Variants in SORBS2 observed in about 807,000 individuals in gnomAD.
SORBS2 encodes sorbin and SH3 domain-containing protein 2.
In SORBS2, 46 loss-of-function variants were observed where a neutral mutation model predicts 97.7. That is an observed-to-expected ratio of 0.47 (90% confidence interval 0.37 to 0.60). SORBS2 has a LOEUF of 0.60. SORBS2 is among the 20% of genes least tolerant of loss of function. SORBS2 has a pLI of 0.00. For missense variants in SORBS2, 1,316 were observed against 1,282.3 expected (o/e 1.03, Z -0.40); for synonymous variants, 476 against 473.4 (o/e 1.01, Z -0.07).
rs186669514 is a variant in SORBS2, at chr4:185,722,719, T to C, written c.-197-43897A>G. ...CTGGCTAAGAATGTTGACTCTTTTTTCTTAATTAAAGGCTGAATCACTGAT... is the reference window on the plus strand; with the variant it reads ...CTGGCTAAGAATGTTGACTCTTTTTCCTTAATTAAAGGCTGAATCACTGAT... On this transcript the variant is annotated intron_variant, in intron 2 of 20. Coordinates refer to the SORBS2 transcript ENST00000284776. 7.2e-5 allele frequency among the ~76,000 whole-genome samples: 11 copies of C among 152,340 alleles called. No individual in the cohort carries two copies. In the East Asian group the frequency reaches 2.1e-3, roughly 29 times the overall value.
intron 2 of SORBS2, among the ~76,000 whole-genome samples, chr4:185,750,254 G>C (rs926252997): frequency 6.6e-6 from 1 of 152,224 alleles, no homozygotes; most frequent in Non-Finnish European, 1.5e-5. Flanking sequence ...AGTGTTCACT[G>C]TGTATACCAA....
intron 1 of SORBS2, among the ~76,000 whole-genome samples, chr4:185,813,353 G>A (rs1451677410): frequency 1.3e-5 from 2 of 152,132 alleles, no homozygotes; most frequent in Non-Finnish European, 2.9e-5. Context: ...ATTTGGGGAT[G>A]CCCGCTCCCC....
intron 12 of SORBS2, among the ~76,000 whole-genome samples, chr4:185,595,324 T>C (rs1482607936): frequency 1.3e-5 from 2 of 152,222 alleles, no homozygotes; most frequent in African/African-American, 4.8e-5. Context: ...TGAAATAGTT[T>C]ACTCCTGTAA....
chr4:185,749,490 T>C (rs2098786603), intron 2 of SORBS2, among the ~76,000 whole-genome samples: 1 of 152,222 alleles, frequency 6.6e-6, no homozygotes, highest in African/African-American at 2.4e-5. Context: ...GAAATCCTGA[T>C]GGGATTGAAA....
chr4:185,779,263 G>A (rs1284189986), intron 1 of SORBS2, among the ~76,000 whole-genome samples: 1 of 152,144 alleles, frequency 6.6e-6, no homozygotes, highest in East Asian at 1.9e-4. Context: ...GTGGCTGTAG[G>A]TCACTTACTT....
chr4:185,931,998 C>A lies in SORBS2; in HGVS notation c.-338+24198G>T, dbSNP rs534172167. ...AACCTGTCTCTCTCTCTCTCTCTCTCTCTCTATATATATATATATAGATAG... is the reference window on the plus strand; with the variant it reads ...AACCTGTCTCTCTCTCTCTCTCTCTATCTCTATATATATATATATAGATAG... On this transcript the variant is annotated intron_variant, in intron 1 of 20. Transcript: ENST00000284776. Among the ~76,000 whole-genome samples the A allele has an allele frequency of 8.9e-3, 1,345 of 150,364 alleles. 10 individuals are homozygous for A. Among genetic ancestry groups the A allele is most frequent in the Non-Finnish European group, 0.011 (775 of 67,402 alleles).
chr4:185,632,732 C>T (rs1388774778), intron 4 of SORBS2, among the ~76,000 whole-genome samples: 1 of 152,074 alleles, frequency 6.6e-6, no homozygotes, highest in African/African-American at 2.4e-5. Context: ...TTATAATGAG[C>T]CTAAACAATA....
chr4:185,874,284 C>G (rs535624518), intron 1 of SORBS2, among the ~76,000 whole-genome samples: 23 of 152,074 alleles, frequency 1.5e-4, no homozygotes, highest in African/African-American at 5.3e-4. Flanking sequence ...GCTGTGATCC[C>G]AATATTTCTG....
intron 4 of SORBS2, chr4:185,675,292 G>A (rs1240629814): frequency 6.6e-6 from 1 of 152,450 alleles, no homozygotes; most frequent in African/African-American, 2.4e-5. Flanking sequence ...CTGCTTCCTG[G>A]CGTGCCCATC....
intron 2 of SORBS2, among the ~76,000 whole-genome samples, chr4:185,726,994 T>C (rs1301230492): frequency 5.3e-5 from 8 of 152,146 alleles, no homozygotes; most frequent in Non-Finnish European, 1.5e-5. Context: ...TTACAGAGAA[T>C]CAACTACAGT....
At chr4:185,956,020 T>C (rs1444852426) in intron 1 of SORBS2, among the ~76,000 whole-genome samples, 1 of 152,228 alleles carries the variant, frequency 6.6e-6, no homozygotes, top group East Asian at 1.9e-4. Flanking sequence ...ACGTAAAGTG[T>C]TCCTTTATTC....
intron 1 of SORBS2, among the ~76,000 whole-genome samples, chr4:185,787,089 A>G (rs1453887789): frequency 6.6e-6 from 1 of 151,494 alleles, no homozygotes; most frequent in Non-Finnish European, 1.5e-5. Flanking sequence ...GTGGTTGCAG[A>G]GGAGGGGTTC....
chr4:185,837,126 C>T (rs2099208521), intron 1 of SORBS2, among the ~76,000 whole-genome samples: 1 of 152,132 alleles, frequency 6.6e-6, no homozygotes, highest in Non-Finnish European at 1.5e-5. Context: ...TCTTTATACG[C>T]ACCAGAAACA....
intron 1 of SORBS2, among the ~76,000 whole-genome samples, chr4:185,930,549 C>T (rs1179605841): frequency 3.9e-5 from 6 of 152,196 alleles, no homozygotes; most frequent in South Asian, 4.2e-4. Flanking sequence ...CCGCCTGCCT[C>T]GGCCTCCCAA....
chr4:185,649,420 T>G lies in SORBS2; in HGVS notation c.281+47A>C, dbSNP rs756303843. The G allele has an allele frequency of 2.7e-6, 4 of 1,465,324 alleles. No individual in the cohort carries two copies. The South Asian group carries it at 5.7e-5, about 21-fold the overall frequency. 90.8% of individuals were successfully genotyped at this position (1,465,324 alleles called of 1,614,324 possible). A position where few individuals can be genotyped will look rare whatever the true frequency, so the allele number is the denominator to read the frequency against. ...TCTACTGAATGCCATGTAGACTTATTTTTATCCTAAGCGAAACATAGGCCA... is the reference window on the plus strand; with the variant it reads ...TCTACTGAATGCCATGTAGACTTATGTTTATCCTAAGCGAAACATAGGCCA... On this transcript the variant is annotated intron_variant, in intron 3 of 14. Transcript: ENST00000418609.
At chr4:185,797,648 C>T (rs1402160055) in intron 1 of SORBS2, among the ~76,000 whole-genome samples, 1 of 152,160 alleles carries the variant, frequency 6.6e-6, no homozygotes, top group Non-Finnish European at 1.5e-5. Context: ...ATTATCTCTT[C>T]CCCCTAAGTA....
chr4:185,611,051 G>A (rs529645369), intron 12 of SORBS2, among the ~76,000 whole-genome samples: 16 of 152,038 alleles, frequency 1.1e-4, no homozygotes, highest in Admixed American at 3.9e-4. Context: ...TTTAAATTAC[G>A]TATTGAGAAA....
chr4:185,906,383 T>C (rs566566902), intron 1 of SORBS2, among the ~76,000 whole-genome samples: 13 of 152,324 alleles, frequency 8.5e-5, no homozygotes, highest in African/African-American at 4.8e-5. Flanking sequence ...AGATTTAATA[T>C]GCCACTCTAT....
At chr4:185,836,961 GT>G (rs1175178015) in intron 1 of SORBS2, among the ~76,000 whole-genome samples, 1 of 152,134 alleles carries the variant, frequency 6.6e-6, no homozygotes, top group Non-Finnish European at 1.5e-5. Flanking sequence ...GAATTCTAAA[GT>G]TGTATGGTGT....
Sources: gnomAD v4.1 joint callset for allele counts (sites outside exome capture counted in the v4.1 genomes callset) on GRCh38, gnomAD v4.1.1 for gene constraint, MANE v1.5 for transcripts, NCBI Gene and HGNC (gene_info 2026-07-23, HGNC 2026-07-21) for gene names.